The following SLC26A4 variants were observed in gnomAD, a reference collection of about 807,000 sequenced individuals.
SLC26A4 encodes the protein pendrin.
Under a neutral mutation model 90.4 loss-of-function variants are expected in SLC26A4, and 93 were observed. The ratio of observed to expected loss-of-function variants is 1.03; its 90% confidence interval spans 0.87 to 1.22. The LOEUF (loss-of-function observed/expected upper bound fraction) is 1.22, where lower values mean the gene tolerates loss of function less well. Ranked by LOEUF, SLC26A4 falls within the 50% of genes most tolerant of loss-of-function variation. SLC26A4 has a pLI of 0.00. For missense variants in SLC26A4, 1,127 were observed against 946.2 expected, an observed-to-expected ratio of 1.19 and a Z score of -2.51; for synonymous variants, 393 against 354.6, an observed-to-expected ratio of 1.11 and a Z score of -1.22.
intron 2 of SLC26A4, chr7:107,662,085 G>C (rs1790575194): frequency 1.9e-6 from 1 of 524,172 alleles, no homozygotes; most frequent in Non-Finnish European, 3.4e-6. Flanking sequence ...TTTCCTCTCT[G>C]AAGGAAACTT....
Position 107,701,925 on chromosome 7 carries a change from A to G in SLC26A4, c.1902A>G (p.Ile634Met), listed in dbSNP as rs780126678. The change falls in exon 17 of 21, where the codon ATA (isoleucine) becomes ATG (methionine). Residue 634 changes from isoleucine (I) to methionine (M), a missense_variant. Ile to Met is a conservative substitution (Grantham distance 10, BLOSUM62 1). Coordinates refer to ENST00000644269, the MANE Select transcript of SLC26A4 (RefSeq NM_000441.2). The part of the protein sequence containing the change: ...LEELDIPTKE[I>M]EIQVDWNSEL... ...AACTTGATATCCCAACCAAGGAAATAGAGATTCAAGTGGATTGGAACTCTG... is the reference window on the plus strand; with the variant it reads ...AACTTGATATCCCAACCAAGGAAATGGAGATTCAAGTGGATTGGAACTCTG... 8 of 1,612,332 alleles carry G rather than the reference A, an allele frequency of 5.0e-6. No individual in the cohort carries two copies. Among genetic ancestry groups the G allele is most frequent in the Middle Eastern group, 1.7e-4 (1 of 6,056 alleles).
intron 6 of SLC26A4, among the ~76,000 whole-genome samples, chr7:107,675,722 C>T (rs531219748): frequency 2.0e-5 from 3 of 151,814 alleles, no homozygotes; most frequent in African/African-American, 4.8e-5. Flanking sequence ...TACAGGCGCC[C>T]GCCACCACAC....
chr7:107,662,574 A>G (rs565377534), intron 2 of SLC26A4, among the ~76,000 whole-genome samples: 6 of 152,054 alleles, frequency 3.9e-5, no homozygotes, highest in Admixed American at 2.6e-4. Context: ...AATCTCATAT[A>G]GCATACTGTC....
chr7:107,680,624 C>T (rs1791206802), intron 6 of SLC26A4, among the ~76,000 whole-genome samples: 1 of 151,562 alleles, frequency 6.6e-6, no homozygotes, highest in African/African-American at 2.4e-5. Context: ...AATATGTAGG[C>T]AACTTATTTA....
At chr7:107,678,996 T>A (rs192202431) in intron 6 of SLC26A4, among the ~76,000 whole-genome samples, 1 of 152,296 alleles carries the variant, frequency 6.6e-6, no homozygotes, top group Non-Finnish European at 1.5e-5. Flanking sequence ...AAAAAGGTGC[T>A]GACAACTAGA....
At chr7:107,682,868 A>G (rs1383928436) in intron 6 of SLC26A4, among the ~76,000 whole-genome samples, 1 of 152,142 alleles carries the variant, frequency 6.6e-6, no homozygotes, top group Non-Finnish European at 1.5e-5. Context: ...TTATAATGAC[A>G]TTTTTTCTTT....
chr7:107,699,651 G>A (rs983881264), intron 14 of SLC26A4, among the ~76,000 whole-genome samples: 5 of 152,016 alleles, frequency 3.3e-5, no homozygotes, highest in Non-Finnish European at 5.9e-5. Flanking sequence ...TGTAGAGGCC[G>A]GGCACGGTGG....
chr7:107,686,381 C>T (rs1791409268), intron 8 of SLC26A4, among the ~76,000 whole-genome samples: 4 of 136,978 alleles, frequency 2.9e-5, no homozygotes, highest in Admixed American at 7.3e-5. Flanking sequence ...TCCTCCCCTT[C>T]CTTCCTTCCT....
At chr7:107,673,307 A>G (rs565841078) in intron 4 of SLC26A4, among the ~76,000 whole-genome samples, 2 of 152,340 alleles carry the variant, frequency 1.3e-5, no homozygotes, top group East Asian at 3.9e-4. Context: ...TTAAAATATA[A>G]AATCTTACAG....
chr7:107,689,633 T>G (rs771629916), intron 9 of SLC26A4, among the ~76,000 whole-genome samples: 1 of 152,236 alleles, frequency 6.6e-6, no homozygotes, highest in Non-Finnish European at 1.5e-5. Context: ...GCAATTTTTG[T>G]AGGCATGTGA....
At chr7:107,698,303 A>G (rs933549070) in intron 14 of SLC26A4, among the ~76,000 whole-genome samples, 192 bp downstream of exon 14, 9 of 151,506 alleles carry the variant, frequency 5.9e-5, no homozygotes, top group South Asian at 2.1e-4. Context: ...AATTTTGTCT[A>G]TGCTAGCTGA....
At chr7:107,702,159 A>C in intron 17 of SLC26A4, 102 bp downstream of exon 17, 1 of 783,244 alleles carries the variant, frequency 1.3e-6, no homozygotes, top group South Asian at 1.5e-5. Context: ...GGGCTTTGTA[A>C]TTTTTCTAGG....
In SLC26A4 at chr7:107,661,281, G is replaced by A; in HGVS notation, c.-3-358G>A. The A allele has an allele frequency of 2.8e-6, 1 of 357,364 alleles. No homozygotes were observed. Among genetic ancestry groups the A allele is most frequent in the South Asian group, 3.1e-5 (1 of 32,642 alleles). The allele number at this position is 357,364 out of a possible 1,614,324, so 22.1% of individuals were successfully genotyped here. On this transcript the variant is annotated intron_variant, in intron 1 of 20. Coordinates refer to ENST00000644269, the MANE Select transcript of SLC26A4 (RefSeq NM_000441.2). This position sits in a 1 kb window ranked among gnomAD's most constrained non-coding sequence, Gnocchi z 5.1. ...CCTTTGGCCCCTGCCCCAGCCCCTCGGTTTGGGGGAGATTTCAGAACGCGG... is the reference window on the plus strand; with the variant it reads ...CCTTTGGCCCCTGCCCCAGCCCCTCAGTTTGGGGGAGATTTCAGAACGCGG...
chr7:107,663,498 A>G, intron 3 of SLC26A4, 63 bp downstream of exon 3: 1 of 1,577,638 alleles, frequency 6.3e-7, no homozygotes, highest in Non-Finnish European at 8.7e-7. Context: ...CTCCCCAGCT[A>G]CCATAGGTCT....
intron 10 of SLC26A4, among the ~76,000 whole-genome samples, chr7:107,691,514 T>TATACACACACAC (rs1417607238): frequency 0.015 from 1,965 of 130,994 alleles, 15 homozygotes; most frequent in South Asian, 0.033. Flanking sequence ...AATATATATA[T>TATACACACACAC]ACACACACAC....
rs184448927 is a variant in SLC26A4 at position 107,664,624 on chromosome 7, T to G, written c.304+1189T>G. On this transcript the variant is annotated intron_variant, in intron 3 of 20. Coordinates refer to ENST00000644269, the MANE Select transcript of SLC26A4 (RefSeq NM_000441.2). ...CTGGACTCCACATGAATGTTTTGCC[T>G]GCCCCTCATCCCTTTTTAAAAAAAT... Among the ~76,000 whole-genome samples the G allele has an allele frequency of 3.8e-3, 586 of 152,366 alleles. 4 individuals are homozygous for G. The highest frequency in any genetic ancestry group is 0.013 in the African/African-American group (552 of 41,584).
chr7:107,672,259 G>T lies in SLC26A4; in HGVS notation c.415+11G>T. Reference sequence around the variant, plus strand: ...GACATATCTCAGTTGGTAATTATAAGTATATTTTACAATTATATTTGCTCA... The same window carrying T: ...GACATATCTCAGTTGGTAATTATAATTATATTTTACAATTATATTTGCTCA... On this transcript the variant is annotated intron_variant, in intron 4 of 20. Transcript: ENST00000644269. 1 of 1,499,886 alleles carries T rather than the reference G, an allele frequency of 6.7e-7. No individual in the cohort carries two copies. Among genetic ancestry groups the T allele is most frequent in the South Asian group, 1.1e-5 (1 of 88,754 alleles). 92.9% of individuals were successfully genotyped at this position (1,499,886 alleles called of 1,614,324 possible).
At chr7:107,692,019 G>A (rs976493962) in intron 10 of SLC26A4, 3 of 1,289,126 alleles carry the variant, frequency 2.3e-6, no homozygotes, top group African/African-American at 3.0e-5. Context: ...TCAAACTGCT[G>A]ATGTCCATTC....
rs774114215 is a variant in SLC26A4, at chr7:107,686,405, T to TTTTCTTTCTTTCTTTC, written c.1002-2612_1002-2597dup. Among the ~76,000 whole-genome samples, 782 of 82,552 alleles carry TTTTCTTTCTTTCTTTC rather than the reference T, an allele frequency of 9.5e-3. 9 individuals are homozygous for TTTTCTTTCTTTCTTTC. Among genetic ancestry groups the TTTTCTTTCTTTCTTTC allele is most frequent in the East Asian group, 0.034 (74 of 2,172 alleles). The allele number at this position is 82,552 out of a possible 152,430, so 54.2% of individuals were successfully genotyped here. On this transcript the variant is annotated intron_variant, in intron 8 of 20. Transcript: ENST00000644269. Reference sequence around the variant, plus strand: ...TCCTTCCTTCCTTCCTCTCTCTCTTTTTTCTTTCTTTCTTTCTTTCTTTCT... The same window carrying TTTTCTTTCTTTCTTTC: ...TCCTTCCTTCCTTCCTCTCTCTCTTTTTTCTTTCTTTCTTTCTTTCTTTCTTTCTTTCTTTCTTTCT...
Sources: gnomAD v4.1 joint callset for allele counts (sites outside exome capture counted in the v4.1 genomes callset) on GRCh38, gnomAD v4.1.1 for gene constraint, Gnocchi (gnomAD v3.1) non-coding constraint, MANE v1.5 for transcripts, NCBI Gene and HGNC (gene_info 2026-07-23, HGNC 2026-07-21) for gene names.